MGAT4C: variants seen among roughly 807,000 people sequenced by gnomAD.
The protein encoded by MGAT4C is MGAT4 family member C.
Under a neutral mutation model 40.1 loss-of-function variants are expected in MGAT4C, and 19 were observed. The observed-to-expected ratio is 0.47, with a 90% CI of 0.33 to 0.70. The LOEUF (loss-of-function observed/expected upper bound fraction) is 0.70, where lower values mean the gene tolerates loss of function less well. MGAT4C is among the 30% of genes least tolerant of loss of function. MGAT4C has a pLI of 0.02. For missense variants in MGAT4C, 491 were observed against 563.2 expected (o/e 0.87, Z 1.30); for synonymous variants, 181 against 187.1 (o/e 0.97, Z 0.27).
At chr12:86,267,994 T>C (rs552945779) in intron 4 of MGAT4C, among the ~76,000 whole-genome samples, 2 of 152,264 alleles carry the variant, frequency 1.3e-5, no homozygotes, top group South Asian at 2.1e-4. Flanking sequence ...TTGAAACTCA[T>C]AGCGACATCC....
chr12:85,963,404 T>C lies in MGAT4C; in HGVS notation c.*15885A>G, dbSNP rs906229243. The C allele has an allele frequency of 1.3e-5, 2 of 151,810 alleles. No homozygotes were observed. Among genetic ancestry groups the C allele is most frequent in the Non-Finnish European group, 2.9e-5 (2 of 67,828 alleles). The allele number at this position is 151,810 out of a possible 1,614,324, so 9.4% of individuals were successfully genotyped here. ...TTTGATAATGATGAAAGCACAGAGA[T>C]GCTATCAAGAAAAATTTACCCACAT... On this transcript the variant is annotated 3_prime_UTR_variant, in exon 5 of 5. Coordinates refer to ENST00000611864, the MANE Select transcript of MGAT4C (RefSeq NM_001351288.2).
At chr12:86,782,006 T>A (rs931339455) in intron 1 of MGAT4C, among the ~76,000 whole-genome samples, 6 of 152,022 alleles carry the variant, frequency 3.9e-5, no homozygotes, top group African/African-American at 1.4e-4. Context: ...ATTTATTTAT[T>A]TTTTGAGATG....
chr12:86,278,965 A>T (rs962422732), intron 4 of MGAT4C, among the ~76,000 whole-genome samples: 3 of 30,540 alleles, frequency 9.8e-5, no homozygotes, highest in African/African-American at 2.2e-4. Context: ...AGTTGATATG[A>T]TGTCTCACAT....
chr12:86,688,157 C>CTTTTTTTTTTTTTTTTTTTT (rs55637680), intron 2 of MGAT4C, among the ~76,000 whole-genome samples: 2 of 65,188 alleles, frequency 3.1e-5, no homozygotes, highest in Admixed American at 2.4e-4. Context: ...GCAACCCCTG[C>CTTTTTTTTTTTTTTTTTTTT]TTTTTTTTTT....
chr12:86,774,343 C>CTTTCTT (rs1565981678), intron 1 of MGAT4C, among the ~76,000 whole-genome samples: 1 of 54,500 alleles, frequency 1.8e-5, no homozygotes, highest in Admixed American at 2.1e-4. Flanking sequence ...TTCTTTCTGT[C>CTTTCTT]TCTCTCTCTC....
At chr12:86,803,077 A>G (rs1337147068) in intron 1 of MGAT4C, among the ~76,000 whole-genome samples, 1 of 141,818 alleles carries the variant, frequency 7.1e-6, no homozygotes, top group African/African-American at 2.6e-5. Flanking sequence ...ATATAGATCA[A>G]TGGAACAGAA....
chr12:85,986,325 G>C (rs1885197886), intron 3 of MGAT4C, among the ~76,000 whole-genome samples: 1 of 152,142 alleles, frequency 6.6e-6, no homozygotes, highest in Non-Finnish European at 1.5e-5. Flanking sequence ...GCAATTCAAT[G>C]AACTAGCTGC....
At chr12:86,367,890 G>C (rs1431398556) in intron 3 of MGAT4C, among the ~76,000 whole-genome samples, 2 of 152,068 alleles carry the variant, frequency 1.3e-5, no homozygotes, top group Non-Finnish European at 2.9e-5. Context: ...AGTGGGCTCC[G>C]ACCTAACATG....
intron 2 of MGAT4C, among the ~76,000 whole-genome samples, chr12:86,494,504 T>G (rs1213614897): frequency 2.6e-5 from 4 of 151,692 alleles, no homozygotes; most frequent in Non-Finnish European, 5.9e-5. Flanking sequence ...AATAATAAAA[T>G]AGTGATAATT....
At position 86,816,531 on chromosome 12, in the gene MGAT4C, G is replaced by A. The variant is rs182336043; in HGVS notation, c.-262+22135C>T. Reference sequence around the variant, plus strand: ...CACTGACCTAAACAAGCTTTAATATGAAGGTTACGTACCAGCAAAATTAAG... The same window carrying A: ...CACTGACCTAAACAAGCTTTAATATAAAGGTTACGTACCAGCAAAATTAAG... On this transcript the variant is annotated intron_variant, in intron 1 of 7. Coordinates refer to the MGAT4C transcript ENST00000548651. Among the ~76,000 whole-genome samples the A allele has an allele frequency of 3.0e-3, 456 of 151,686 alleles. 1 individual carries two copies. The highest frequency in any genetic ancestry group is 5.8e-3 in the South Asian group (28 of 4,818).
chr12:86,490,311 T>C (rs1360898708), intron 2 of MGAT4C, among the ~76,000 whole-genome samples: 1 of 151,930 alleles, frequency 6.6e-6, no homozygotes, highest in Non-Finnish European at 1.5e-5. Context: ...GAATTTCATA[T>C]CCAGGCAAAC....
In MGAT4C at chr12:86,056,396, C is replaced by A. The variant is rs113812035; in HGVS notation, c.-56-6673G>T. Among the ~76,000 whole-genome samples, 29 of 152,200 alleles carry A rather than the reference C, an allele frequency of 1.9e-4. No homozygotes were observed. The East Asian group carries it at 3.7e-3, about 19-fold the overall frequency. Reference sequence around the variant, plus strand: ...CTATCCCTCCTCCACTCCTCCACCCCCTTAAGGCCCCAGTGTGTGATATTC... The same window carrying A: ...CTATCCCTCCTCCACTCCTCCACCCACTTAAGGCCCCAGTGTGTGATATTC... On this transcript the variant is annotated intron_variant, in intron 1 of 4. Coordinates refer to ENST00000611864, the MANE Select transcript of MGAT4C (RefSeq NM_001351288.2).
In MGAT4C at chr12:86,362,636, A is replaced by T. The variant is rs117085981; in HGVS notation, c.-119-28509T>A. ...TCAAACTGGTAACAGCAATTAAAAG[A>T]ATGTGAGGGTGCGAGGTCAGATCGA... On this transcript the variant is annotated intron_variant, in intron 3 of 7. Transcript: ENST00000548651. 9.2e-5 allele frequency among the ~76,000 whole-genome samples: 14 copies of T among 152,154 alleles called. No homozygotes were observed. In the East Asian group the frequency reaches 1.9e-3, roughly 21 times the overall value.
intron 2 of MGAT4C, among the ~76,000 whole-genome samples, chr12:86,456,670 C>T (rs934250155): frequency 6.6e-6 from 1 of 151,970 alleles, no homozygotes; most frequent in Non-Finnish European, 1.5e-5. Flanking sequence ...TCGACTTTAG[C>T]TACTTCTCTT....
At chr12:86,766,944 T>G (rs1342183568) in intron 1 of MGAT4C, among the ~76,000 whole-genome samples, 1 of 151,562 alleles carries the variant, frequency 6.6e-6, no homozygotes, top group African/African-American at 2.4e-5. Context: ...CACCCTAACA[T>G]CACAATTAAA....
At chr12:86,821,766 G>A (rs1952710606) in intron 1 of MGAT4C, among the ~76,000 whole-genome samples, 1 of 150,870 alleles carries the variant, frequency 6.6e-6, no homozygotes, top group Non-Finnish European at 1.5e-5. Context: ...AGGTTTAGTA[G>A]TGTCTAATCA....
At chr12:86,620,248 A>G (rs1482538870) in intron 2 of MGAT4C, among the ~76,000 whole-genome samples, 1 of 152,148 alleles carries the variant, frequency 6.6e-6, no homozygotes, top group Non-Finnish European at 1.5e-5. Context: ...TATTAAAAAT[A>G]CACCTGTGCT....
chr12:86,687,886 C>T (rs1485943242), intron 2 of MGAT4C, among the ~76,000 whole-genome samples: 1 of 152,030 alleles, frequency 6.6e-6, no homozygotes, highest in Non-Finnish European at 1.5e-5. Flanking sequence ...CCTGAAGATC[C>T]TTGTTAATTT....
At chr12:86,497,951 AAAATATATATTAT>A (rs1418895892) in intron 2 of MGAT4C, among the ~76,000 whole-genome samples, 3 of 145,308 alleles carry the variant, frequency 2.1e-5, no homozygotes, top group South Asian at 2.1e-4. Flanking sequence ...TATAATATAT[AAAATATATATTAT>A]AAATATATAT....
Sources: gnomAD v4.1 joint callset for allele counts (sites outside exome capture counted in the v4.1 genomes callset) on GRCh38, gnomAD v4.1.1 for gene constraint, MANE v1.5 for transcripts, NCBI Gene and HGNC (gene_info 2026-07-23, HGNC 2026-07-21) for gene names.